Variants in DHX15 observed in about 807,000 individuals in gnomAD.
The protein encoded by DHX15 is ATP-dependent RNA helicase DHX15.
In DHX15, 11 loss-of-function variants were observed where a neutral mutation model predicts 94.4. That is an observed-to-expected ratio of 0.12 (90% CI 0.07 to 0.19). DHX15 has a LOEUF of 0.19. Ranked by LOEUF, DHX15 falls within the 10% of genes least tolerant of loss-of-function variation. The probability of loss-of-function intolerance (pLI) is 1.00; values close to 1 mark genes in which losing one functional copy is unlikely to be tolerated. For missense variants in DHX15, 304 were observed against 988.5 expected (o/e 0.31, Z 9.29); for synonymous variants, 338 against 329.9 (o/e 1.02, Z -0.27).
At chr4:24,546,884 A>G (rs745425695) in intron 6 of DHX15, among the ~76,000 whole-genome samples, 10 of 152,204 alleles carry the variant, frequency 6.6e-5, no homozygotes, top group Non-Finnish European at 1.3e-4. Flanking sequence ...GCTAGCTACT[A>G]TCCTTATATT....
In DHX15 at chr4:24,561,193, A is replaced by G. The variant is rs116710724; in HGVS notation, c.702-4783T>C. 3.9e-3 allele frequency among the ~76,000 whole-genome samples: 599 copies of G among 152,374 alleles called. 3 individuals carry two copies. Among genetic ancestry groups the G allele is most frequent in the African/African-American group, 0.013 (548 of 41,600 alleles). ...AAACTGCAAATGAGGTTCCATCAAT[A>G]GAATTTGTTAAGTAAACTAAGGTAC... On this transcript the variant is annotated intron_variant, in intron 3 of 13. Coordinates refer to ENST00000336812, the MANE Select transcript of DHX15 (RefSeq NM_001358.3).
At chr4:24,559,118 G>A (rs958089362) in intron 3 of DHX15, among the ~76,000 whole-genome samples, 2 of 152,064 alleles carry the variant, frequency 1.3e-5, no homozygotes, top group African/African-American at 4.8e-5. Flanking sequence ...CCAATGACCA[G>A]TATCCTTACA....
chr4:24,545,686 G>A (rs17766123), intron 6 of DHX15, among the ~76,000 whole-genome samples: 3 of 152,214 alleles, frequency 2.0e-5, no homozygotes, highest in Admixed American at 6.5e-5. Context: ...TACTTCAGCA[G>A]TTGAGTGAGG....
At chr4:24,574,468 C>G (rs990649417) in intron 2 of DHX15, among the ~76,000 whole-genome samples, 4 of 151,800 alleles carry the variant, frequency 2.6e-5, no homozygotes, top group Non-Finnish European at 4.4e-5. Context: ...TCCAAATAAT[C>G]ACAAACCTCA....
At chr4:24,574,157 G>A (rs1722187726) in intron 2 of DHX15, among the ~76,000 whole-genome samples, 1 of 126,080 alleles carries the variant, frequency 7.9e-6, no homozygotes, top group East Asian at 2.4e-4. Context: ...AGAAAGCCAA[G>A]ATCATACCAC....
intron 11 of DHX15, chr4:24,533,305 T>C (rs1577331855): frequency 2.0e-6 from 1 of 510,746 alleles, no homozygotes; most frequent in East Asian, 3.4e-5. Flanking sequence ...TTAACTGTTT[T>C]TAGTGAATTA....
intron 1 of DHX15, among the ~76,000 whole-genome samples, chr4:24,579,824 G>A (rs2109013274): frequency 6.6e-6 from 1 of 152,306 alleles, no homozygotes; most frequent in East Asian, 1.9e-4. Context: ...GGAGTGCAGT[G>A]GTGCAATCTC....
At chr4:24,552,769 G>T (rs1240315462) in intron 5 of DHX15, among the ~76,000 whole-genome samples, 1 of 152,142 alleles carries the variant, frequency 6.6e-6, no homozygotes, top group Non-Finnish European at 1.5e-5. Flanking sequence ...ATAACTTAAA[G>T]AAGCAATGGT....
In DHX15 at chr4:24,549,017, A is replaced by G. The variant is rs147779733; in HGVS notation, c.1086T>C (p.Ile362=). Residue 362 remains isoleucine, a synonymous_variant, in exon 6 of 14, where the codon ATT becomes ATC. Coordinates refer to ENST00000336812, the MANE Select transcript of DHX15 (RefSeq NM_001358.3). ...GCTTTATTCTCTTACAGGCTTCATC[A>G]ATTTCCTACAAAATAAAAGTGAGTC... ...LLLFLTGQEE[I]DEACKRIKRE... The G allele has an allele frequency of 5.6e-6, 9 of 1,605,446 alleles. No individual in the cohort carries two copies. The highest frequency in any genetic ancestry group is 7.6e-6 in the Non-Finnish European group (9 of 1,176,984).
intron 6 of DHX15, among the ~76,000 whole-genome samples, chr4:24,546,937 A>G (rs376590013): frequency 6.9e-6 from 1 of 144,600 alleles, no homozygotes; most frequent in African/African-American, 2.5e-5. Flanking sequence ...TCACAATTAG[A>G]CACAAACAGT....
chr4:24,579,489 G>T (rs927947855), intron 1 of DHX15, among the ~76,000 whole-genome samples: 1 of 152,258 alleles, frequency 6.6e-6, no homozygotes, highest in South Asian at 2.1e-4. Context: ...TTAAAAACTG[G>T]TATCAAGTCA....
intron 5 of DHX15, among the ~76,000 whole-genome samples, chr4:24,553,711 A>C (rs968913271): frequency 6.6e-6 from 1 of 151,688 alleles, no homozygotes; most frequent in Non-Finnish European, 1.5e-5. Context: ...CGGGAGGCAG[A>C]GGTTGCAGTG....
intron 11 of DHX15, among the ~76,000 whole-genome samples, chr4:24,534,533 G>A (rs1721154967): frequency 6.6e-6 from 1 of 152,030 alleles, no homozygotes; most frequent in Admixed American, 6.6e-5. Context: ...ATCTAAAACT[G>A]GAAACATTAA....
At chr4:24,550,111 A>AAAAAAAAAAAC (rs1721558659) in intron 5 of DHX15, among the ~76,000 whole-genome samples, 1 of 147,014 alleles carries the variant, frequency 6.8e-6, no homozygotes, top group Non-Finnish European at 1.5e-5. Flanking sequence ...AAAAAAAAAA[A>AAAAAAAAAAAC]AAAAAAAAAA....
chr4:24,552,610 A>C (rs1721632263), intron 5 of DHX15, among the ~76,000 whole-genome samples: 1 of 152,234 alleles, frequency 6.6e-6, no homozygotes, highest in Non-Finnish European at 1.5e-5. Context: ...TACCAAGTAA[A>C]AATAATGAAG....
chr4:24,574,328 A>G (rs1722195335), intron 2 of DHX15, among the ~76,000 whole-genome samples: 1 of 152,128 alleles, frequency 6.6e-6, no homozygotes, highest in South Asian at 2.1e-4. Context: ...AAGTTTAATA[A>G]GAGCATGCTA....
chr4:24,543,979 C>T (rs1434825492), intron 6 of DHX15, among the ~76,000 whole-genome samples: 1 of 152,078 alleles, frequency 6.6e-6, no homozygotes, highest in Admixed American at 6.6e-5. Context: ...ACCAAAGACA[C>T]ACTGTGAAAT....
intron 6 of DHX15, among the ~76,000 whole-genome samples, chr4:24,547,954 T>TATATAG (rs1721487437): frequency 7.5e-6 from 1 of 133,174 alleles, no homozygotes; most frequent in African/African-American, 3.1e-5. Flanking sequence ...TATATCTATA[T>TATATAG]CTATATCTAT....
rs368841942 is a variant in DHX15, at chr4:24,549,117, T to C, written c.1081-95A>G. The C allele has an allele frequency of 1.4e-5, 14 of 1,031,214 alleles. No individual in the cohort carries two copies. In the African/African-American group the frequency reaches 2.1e-4, roughly 15 times the overall value. 63.9% of individuals were successfully genotyped at this position (1,031,214 alleles called of 1,614,324 possible). A position where few individuals can be genotyped will look rare whatever the true frequency, so the allele number is the denominator to read the frequency against. On this transcript the variant is annotated intron_variant, in intron 5 of 13. Coordinates refer to ENST00000336812, the MANE Select transcript of DHX15 (RefSeq NM_001358.3). ...TATGCAGTCTGTTTTATGTATGCCA[T>C]CTTCTTTCACTTCATGGATACCCTG...
Sources: gnomAD v4.1 joint callset for allele counts (sites outside exome capture counted in the v4.1 genomes callset) on GRCh38, gnomAD v4.1.1 for gene constraint, MANE v1.5 for transcripts, NCBI Gene and HGNC (gene_info 2026-07-23, HGNC 2026-07-21) for gene names.